Variants in CTDNEP1 observed in about 807,000 individuals in gnomAD.
The protein encoded by CTDNEP1 is C-terminal domain nuclear envelope phosphatase 1.
In CTDNEP1, 3 loss-of-function variants were observed where a neutral mutation model predicts 30.1. The ratio of observed to expected loss-of-function variants is 0.10; its 90% confidence interval spans 0.05 to 0.26. CTDNEP1 has a LOEUF of 0.26. Among genes scored for constraint, CTDNEP1 ranks in the 10% least tolerant of loss-of-function variants. The pLI, the probability that CTDNEP1 is intolerant of heterozygous loss-of-function variation, is 1.00. For missense variants in CTDNEP1, 158 were observed against 310.4 expected, an observed-to-expected ratio of 0.51 and a Z score of 3.69; for synonymous variants, 123 against 118.8, an observed-to-expected ratio of 1.04 and a Z score of -0.23.
chr17:7,244,661 G>GAC, intron 6 of CTDNEP1, 26 bp from the exon 7 acceptor site: 1 of 1,504,190 alleles, frequency 6.6e-7, no homozygotes, highest in Non-Finnish European at 9.0e-7. Flanking sequence ...ATGCAGATGA[G>GAC]AAGAAACAGA....
At position 7,246,964 on chromosome 17, in the gene CTDNEP1, G is replaced by A. The variant is rs750583106; in HGVS notation, c.288+100C>T. 3.6e-4 allele frequency: 506 copies of A among 1,403,448 alleles called. No homozygotes were observed. The highest frequency in any genetic ancestry group is 4.9e-4 in the Non-Finnish European group (486 of 993,306). The allele number at this position is 1,403,448 out of a possible 1,614,324, so 86.9% of individuals were successfully genotyped here. A position where few individuals can be genotyped will look rare whatever the true frequency, so the allele number is the denominator to read the frequency against. Reference sequence around the variant, plus strand: ...TTCCCTCCTCCAGGCTGACACTGGTGCCAGCGGATGGAGACAGATGCTCTG... The same window carrying A: ...TTCCCTCCTCCAGGCTGACACTGGTACCAGCGGATGGAGACAGATGCTCTG... On this transcript the variant is annotated intron_variant, in intron 3 of 7. Coordinates refer to ENST00000574322, the MANE Select transcript of CTDNEP1 (RefSeq NM_001143775.2). This position sits in a 1 kb window ranked among gnomAD's most constrained non-coding sequence, Gnocchi z 4.9.
rs2142998595 is a variant in CTDNEP1 at position 7,246,938 on chromosome 17, C to A, written c.289-76G>T. ...GCCTAGAAAACGCCCCACCCATCTGCTTCCCTCCTCCAGGCTGACACTGGT... is the reference window on the plus strand; with the variant it reads ...GCCTAGAAAACGCCCCACCCATCTGATTCCCTCCTCCAGGCTGACACTGGT... On this transcript the variant is annotated intron_variant, in intron 3 of 7. Coordinates refer to ENST00000574322, the MANE Select transcript of CTDNEP1 (RefSeq NM_001143775.2). This position sits in a 1 kb window ranked among gnomAD's most constrained non-coding sequence, Gnocchi z 4.9. 6.9e-7 allele frequency: 1 copy of A among 1,448,108 alleles called. No individual in the cohort carries two copies. Among genetic ancestry groups the A allele is most frequent in the South Asian group, 1.2e-5 (1 of 86,566 alleles). The allele number at this position is 1,448,108 out of a possible 1,614,324, so 89.7% of individuals were successfully genotyped here. A position where few individuals can be genotyped will look rare whatever the true frequency, so the allele number is the denominator to read the frequency against.
chr17:7,244,108 CAG>C lies in CTDNEP1; in HGVS notation c.*75_*76del, dbSNP rs1213633667. ...CTGCCCAGGCAGTCCTCACATTGGA[CAG>C]GGCATCAGACGGCATCCCAAGGGCT... is the stretch of plus-strand genomic sequence containing the variant. On this transcript the variant is annotated 3_prime_UTR_variant, in exon 8 of 8. Coordinates refer to ENST00000574322, the MANE Select transcript of CTDNEP1 (RefSeq NM_001143775.2). 6.3e-7 allele frequency: 1 copy of C among 1,595,588 alleles called. No individual in the cohort carries two copies. The highest frequency in any genetic ancestry group is 8.5e-7 in the Non-Finnish European group (1 of 1,170,288).
Position 7,251,367 on chromosome 17 carries a change from C to T in CTDNEP1, c.-71G>A. 9.2e-7 allele frequency: 1 copy of T among 1,089,334 alleles called. No individual in the cohort carries two copies. The highest frequency in any genetic ancestry group is 1.2e-6 in the Non-Finnish European group (1 of 821,016). The allele number at this position is 1,089,334 out of a possible 1,614,324, so 67.5% of individuals were successfully genotyped here. A position where few individuals can be genotyped will look rare whatever the true frequency, so the allele number is the denominator to read the frequency against. On this transcript the variant is annotated 5_prime_UTR_variant, in exon 1 of 8. Transcript: ENST00000574322. ...CTCCGCCAGCCCCCCGGGGGCAGCC[C>T]CCCGCCGCCGGGAGGGGGAACGGGG...
In CTDNEP1 at chr17:7,244,120, C is replaced by T. The variant is rs757534410; in HGVS notation, c.*65G>A. 17 of 1,605,382 alleles carry T rather than the reference C, an allele frequency of 1.1e-5. No homozygotes were observed. The highest frequency in any genetic ancestry group is 3.3e-5 in the South Asian group (3 of 90,294). On this transcript the variant is annotated 3_prime_UTR_variant, in exon 8 of 8. Coordinates refer to ENST00000574322, the MANE Select transcript of CTDNEP1 (RefSeq NM_001143775.2). ...TCCTCACATTGGACAGGGCATCAGACGGCATCCCAAGGGCTCGCCCTCCCT... is the reference window on the plus strand; with the variant it reads ...TCCTCACATTGGACAGGGCATCAGATGGCATCCCAAGGGCTCGCCCTCCCT...
Position 7,246,797 on chromosome 17 carries a change from C to T in CTDNEP1, c.354G>A (p.Leu118=). The T allele has an allele frequency of 6.2e-7, 1 of 1,613,810 alleles. No individual in the cohort carries two copies. ...TTAGCTCTCCAAAACTCACCACTTCCAGGAAGAAATCCACATGGGGCCTCT... is the reference window on the plus strand; with the variant it reads ...TTAGCTCTCCAAAACTCACCACTTCTAGGAAGAAATCCACATGGGGCCTCT... ...VHKRPHVDFF[L]EVVSQWYELV... is the part of the protein sequence containing the mutation. The change falls in exon 4 of 8, where the codon CTG becomes CTA. Residue 118 remains leucine (L), a synonymous_variant. Coordinates refer to ENST00000574322, the MANE Select transcript of CTDNEP1 (RefSeq NM_001143775.2). The surrounding 1 kb of genome is among the most constrained non-coding windows in gnomAD (Gnocchi z 4.9).
chr17:7,246,452 G>A lies in CTDNEP1; in HGVS notation c.361-82C>T, dbSNP rs944553858. On this transcript the variant is annotated intron_variant, in intron 4 of 7. Transcript: ENST00000574322. The surrounding 1 kb of genome is among the most constrained non-coding windows in gnomAD (Gnocchi z 4.9). ...TACAGTTATCTTTCAGAAAGGCAATGGCATAGTCCTTCAGGCCTTCCATCA... is the reference window on the plus strand; with the variant it reads ...TACAGTTATCTTTCAGAAAGGCAATAGCATAGTCCTTCAGGCCTTCCATCA... The A allele has an allele frequency of 3.9e-6, 4 of 1,021,062 alleles. No homozygotes were observed. Among genetic ancestry groups the A allele is most frequent in the Admixed American group, 1.8e-5 (1 of 56,796 alleles). The allele number at this position is 1,021,062 out of a possible 1,614,324, so 63.3% of individuals were successfully genotyped here. A position where few individuals can be genotyped will look rare whatever the true frequency, so the allele number is the denominator to read the frequency against.
At chr17:7,247,831 T>A (rs1377163526) in intron 1 of CTDNEP1, among the ~76,000 whole-genome samples, 1 of 152,110 alleles carries the variant, frequency 6.6e-6, no homozygotes, top group Non-Finnish European at 1.5e-5. Context: ...TTAAAGAAAC[T>A]GAGGCCACAC....
At position 7,251,229 on chromosome 17, in the gene CTDNEP1, A is replaced by C. The variant is rs1209959267; in HGVS notation, c.68T>G (p.Phe23Cys). 3.1e-6 allele frequency: 5 copies of C among 1,602,702 alleles called. No individual in the cohort carries two copies. The highest frequency in any genetic ancestry group is 1.3e-5 in the African/African-American group (1 of 74,368). ...FVAFAAKLWS[F>C]FIYLLRRQIR... ...CTGCCTCCGCAGAAGGTAAATGAAG[A>C]AGCTCCAGAGCTTGGCGGCGAAGGC... The change falls in exon 1 of 8, where the codon TTC becomes TGC. Residue 23 changes from phenylalanine to cysteine, a missense_variant. Coordinates refer to ENST00000574322, the MANE Select transcript of CTDNEP1 (RefSeq NM_001143775.2).
chr17:7,244,194 C>T lies in CTDNEP1; in HGVS notation c.726G>A (p.Arg242=), dbSNP rs760884041. ...GGAGGGGGAGCAGCTGTCACCAGAG[C>T]CGATGTTGGTGAAGGTTTCGGCTCA... is the stretch of plus-strand genomic sequence containing the variant. ...SVLSRNLHQH[R]LW The change falls in exon 8 of 8, where the codon CGG becomes CGA. Residue 242 remains arginine (R), a synonymous_variant. Coordinates refer to ENST00000574322, the MANE Select transcript of CTDNEP1 (RefSeq NM_001143775.2). The T allele has an allele frequency of 5.0e-6, 8 of 1,614,032 alleles. No homozygotes were observed. The South Asian group carries it at 8.8e-5, about 18-fold the overall frequency.
Position 7,246,120 on chromosome 17 carries a change from C to A in CTDNEP1, c.495G>T (p.Leu165Phe). The change falls in exon 6 of 8, where the codon TTG becomes TTT. Residue 165 changes from leucine (L) to phenylalanine (F), a missense_variant. By Grantham distance (22) the Leu-to-Phe change is conservative. Transcript: ENST00000574322. This position sits in a 1 kb window ranked among gnomAD's most constrained non-coding sequence, Gnocchi z 4.9. ...RYYRQHCTLELGSYIKDLSVV... is the reference protein window; with the variant it reads ...RYYRQHCTLEFGSYIKDLSVV... ...CAGAGAGGTCCTTGATGTAGCTGCC[C>A]AACTCCAAAGTGCAGTGCTGGAAGG... 1.2e-6 allele frequency: 2 copies of A among 1,613,890 alleles called. No homozygotes were observed. The highest frequency in any genetic ancestry group is 2.2e-5 in the South Asian group (2 of 91,054).
rs755882186 is a variant in CTDNEP1 at position 7,251,312 on chromosome 17, A to C, written c.-16T>G. 2 of 1,510,052 alleles carry C rather than the reference A, an allele frequency of 1.3e-6. No individual in the cohort carries two copies. The highest frequency in any genetic ancestry group is 1.8e-6 in the Non-Finnish European group (2 of 1,128,822). 93.5% of individuals were successfully genotyped at this position (1,510,052 alleles called of 1,614,324 possible). A position where few individuals can be genotyped will look rare whatever the true frequency, so the allele number is the denominator to read the frequency against. Reference sequence around the variant, plus strand: ...TCCGCATCATCCCGATGACCCCGGCACCGCCGGCCCCGGGGCCCCCGCGGC... The same window carrying C: ...TCCGCATCATCCCGATGACCCCGGCCCCGCCGGCCCCGGGGCCCCCGCGGC... On this transcript the variant is annotated 5_prime_UTR_variant, in exon 1 of 8. Coordinates refer to ENST00000574322, the MANE Select transcript of CTDNEP1 (RefSeq NM_001143775.2).
chr17:7,250,516 C>T (rs1196805884), intron 1 of CTDNEP1, among the ~76,000 whole-genome samples: 2 of 152,152 alleles, frequency 1.3e-5, no homozygotes, highest in Non-Finnish European at 2.9e-5. Context: ...GACAGGGACA[C>T]CCAAACTTCA....
rs895671228 is a variant in CTDNEP1, at chr17:7,244,395, A to G, written c.675-150T>C. 35 of 1,198,510 alleles carry G rather than the reference A, an allele frequency of 2.9e-5. 1 individual carries two copies. Among genetic ancestry groups the G allele is most frequent in the Admixed American group, 2.6e-4 (13 of 50,902 alleles). The allele number at this position is 1,198,510 out of a possible 1,614,324, so 74.2% of individuals were successfully genotyped here. A position where few individuals can be genotyped will look rare whatever the true frequency, so the allele number is the denominator to read the frequency against. ...TCAATTTGCCCACAGCCTACTAGCTAAAGTGATGAGCTTTGAAGTAAGACG... is the reference window on the plus strand; with the variant it reads ...TCAATTTGCCCACAGCCTACTAGCTGAAGTGATGAGCTTTGAAGTAAGACG... On this transcript the variant is annotated intron_variant, in intron 7 of 7. Coordinates refer to ENST00000574322, the MANE Select transcript of CTDNEP1 (RefSeq NM_001143775.2).
intron 1 of CTDNEP1, 118 bp from the exon 2 acceptor site, chr17:7,247,461 TTTC>T (rs1199770907): frequency 2.9e-4 from 218 of 763,466 alleles, no homozygotes; most frequent in Admixed American, 2.8e-3. Flanking sequence ...TTTAGGCTTA[TTTC>T]TTCTTCTTTT....
chr17:7,245,665 G>A (rs1294513364), intron 6 of CTDNEP1, among the ~76,000 whole-genome samples: 3 of 151,356 alleles, frequency 2.0e-5, no homozygotes, highest in Admixed American at 6.6e-5. Flanking sequence ...CGCCTGGCTA[G>A]TTTTTTCTAT....
At chr17:7,244,702 G>C in intron 6 of CTDNEP1, 67 bp from the exon 7 acceptor site, 1 of 1,186,742 alleles carries the variant, frequency 8.4e-7, no homozygotes. Flanking sequence ...TTCTCTTCTT[G>C]GAGGGAAGGA....
intron 1 of CTDNEP1, among the ~76,000 whole-genome samples, 184 bp from the exon 2 acceptor site, chr17:7,247,527 G>A (rs531987626): frequency 1.5e-4 from 22 of 150,402 alleles, no homozygotes; most frequent in African/African-American, 3.9e-4. Flanking sequence ...GGAGTGCAGC[G>A]GCATGATCTC....
At chr17:7,245,047 C>T (rs550577063) in intron 6 of CTDNEP1, among the ~76,000 whole-genome samples, 16 of 152,308 alleles carry the variant, frequency 1.1e-4, no homozygotes, top group Non-Finnish European at 1.6e-4. Context: ...AATCCCAGCA[C>T]TTTGGGAGGC....
Sources: gnomAD v4.1 joint callset for allele counts (sites outside exome capture counted in the v4.1 genomes callset) on GRCh38, gnomAD v4.1.1 for gene constraint, Gnocchi (gnomAD v3.1) non-coding constraint, MANE v1.5 for transcripts, NCBI Gene and HGNC (gene_info 2026-07-23, HGNC 2026-07-21) for gene names.